Variants in STX8 observed in about 807,000 individuals in gnomAD.
STX8 encodes the protein syntaxin 8, also known as syntaxin-8.
STX8 carries 23 observed loss-of-function variants against 37.5 expected under a neutral mutation model. The ratio of observed to expected loss-of-function variants is 0.61; its 90% CI spans 0.44 to 0.87. STX8 has a LOEUF of 0.87. Among genes scored for constraint, STX8 ranks in the 40% least tolerant of loss-of-function variants. The pLI, the probability that STX8 is intolerant of heterozygous loss-of-function variation, is 0.00. For synonymous variants in STX8, 115 were observed against 99.1 expected, an observed-to-expected ratio of 1.16 and a Z score of -0.95; for missense variants, 313 against 284.7, an observed-to-expected ratio of 1.10 and a Z score of -0.71.
intron 2 of STX8, among the ~76,000 whole-genome samples, chr17:9,557,905 T>C (rs369791045): frequency 3.3e-5 from 5 of 152,220 alleles, no homozygotes; most frequent in African/African-American, 9.6e-5. Context: ...CGAGTCTTCA[T>C]TTGAGAGCAA....
At chr17:9,447,420 T>G (rs1904888359) in intron 6 of STX8, among the ~76,000 whole-genome samples, 1 of 152,156 alleles carries the variant, frequency 6.6e-6, no homozygotes, top group Admixed American at 6.5e-5. Flanking sequence ...TGAGGAGTTG[T>G]TCTTTTGTTT....
intron 7 of STX8, among the ~76,000 whole-genome samples, chr17:9,250,929 C>T (rs1265021582): frequency 1.3e-5 from 2 of 152,152 alleles, no homozygotes; most frequent in South Asian, 2.1e-4. Flanking sequence ...CATCTGTGTA[C>T]ACCTTGGACC....
intron 7 of STX8, among the ~76,000 whole-genome samples, chr17:9,370,333 GTAC>G (rs1911364923): frequency 6.6e-6 from 1 of 152,176 alleles, no homozygotes; most frequent in South Asian, 2.1e-4. Flanking sequence ...ACAATCACAT[GTAC>G]TACTAATTGC....
chr17:9,528,437 A>G (rs1160529408), intron 4 of STX8, among the ~76,000 whole-genome samples: 5 of 152,222 alleles, frequency 3.3e-5, no homozygotes, highest in African/African-American at 1.2e-4. Flanking sequence ...AGCTGGGATT[A>G]CAGGCGCGTG....
At chr17:9,533,677 G>A (rs958672157) in intron 4 of STX8, among the ~76,000 whole-genome samples, 1 of 152,156 alleles carries the variant, frequency 6.6e-6, no homozygotes, top group Non-Finnish European at 1.5e-5. Context: ...AAGGAGAAGT[G>A]ACAAGAAAGA....
intron 7 of STX8, among the ~76,000 whole-genome samples, chr17:9,278,452 A>G (rs1907760733): frequency 1.4e-5 from 2 of 142,502 alleles, no homozygotes; most frequent in South Asian, 2.2e-4. Flanking sequence ...TCCATCTCAG[A>G]AAAAAAAAAA....
rs866364660 is a variant in STX8, at chr17:9,489,691, C to T, written c.541+2138G>A. 2.6e-3 allele frequency among the ~76,000 whole-genome samples: 332 copies of T among 127,390 alleles called. 5 individuals are homozygous for T. The highest frequency in any genetic ancestry group is 6.0e-3 in the Admixed American group (72 of 12,014). 83.6% of individuals were successfully genotyped at this position (127,390 alleles called of 152,430 possible). On this transcript the variant is annotated intron_variant, in intron 6 of 7. Transcript: ENST00000306357. The stretch of plus-strand genomic sequence containing the variant: ...CAGATTTTCTATAAAGCTTACTTTC[C>T]TTTTTTTTTTTTTTTGAGATGGATT...
intron 6 of STX8, among the ~76,000 whole-genome samples, chr17:9,436,734 G>A (rs1904446296): frequency 6.6e-6 from 1 of 152,224 alleles, no homozygotes; most frequent in South Asian, 2.1e-4. Context: ...CCAGCTCTGG[G>A]ATGTAGGGAT....
intron 2 of STX8, 53 bp downstream of exon 2, chr17:9,568,318 C>A: frequency 7.2e-7 from 1 of 1,388,670 alleles, no homozygotes; most frequent in Non-Finnish European, 1.0e-6. Flanking sequence ...GGAGGGTTTT[C>A]AGGCCTCAAA....
chr17:9,397,388 C>T (rs1447556592), intron 6 of STX8, among the ~76,000 whole-genome samples: 3 of 152,046 alleles, frequency 2.0e-5, no homozygotes. Flanking sequence ...AAGAGCAAGA[C>T]TCCGTGTTGA....
chr17:9,298,191 C>T (rs1217138572), intron 7 of STX8, among the ~76,000 whole-genome samples: 1 of 152,148 alleles, frequency 6.6e-6, no homozygotes, highest in African/African-American at 2.4e-5. Flanking sequence ...CATGGATGAA[C>T]TGATGGGAGT....
chr17:9,545,706 G>T (rs1035927846), intron 3 of STX8, among the ~76,000 whole-genome samples: 8 of 152,098 alleles, frequency 5.3e-5, no homozygotes, highest in Admixed American at 2.0e-4. Flanking sequence ...TCAGCCTCCC[G>T]AGTAGCTGGG....
At chr17:9,288,119 C>A (rs976513895) in intron 7 of STX8, among the ~76,000 whole-genome samples, 396 of 20,334 alleles carry the variant, frequency 0.019, no homozygotes, top group Non-Finnish European at 0.024. Flanking sequence ...GGGAGAAAAG[C>A]AAAACAAACA....
intron 6 of STX8, among the ~76,000 whole-genome samples, chr17:9,465,103 A>G (rs1905552895): frequency 2.6e-5 from 4 of 152,126 alleles, no homozygotes; most frequent in Admixed American, 2.6e-4. Context: ...GCTATTCAGA[A>G]TTATCCTTCT....
intron 5 of STX8, among the ~76,000 whole-genome samples, chr17:9,498,878 A>C (rs1457742241): frequency 6.6e-6 from 1 of 152,214 alleles, no homozygotes; most frequent in African/African-American, 2.4e-5. Flanking sequence ...AGGGTGTATA[A>C]TAACCAAAGC....
chr17:9,513,894 A>G (rs75366291), intron 4 of STX8, among the ~76,000 whole-genome samples: 5,351 of 152,328 alleles, frequency 0.035, 359 homozygotes, highest in African/African-American at 0.12. Flanking sequence ...GGAGGACGTT[A>G]TTATATTAAG....
intron 2 of STX8, among the ~76,000 whole-genome samples, chr17:9,560,682 C>T (rs1307504564): frequency 2.0e-5 from 3 of 150,484 alleles, no homozygotes; most frequent in Non-Finnish European, 4.4e-5. Flanking sequence ...TACATGTCTA[C>T]TTGAAATTCC....
intron 4 of STX8, among the ~76,000 whole-genome samples, chr17:9,510,482 C>G (rs1050511469): frequency 1.3e-5 from 2 of 152,004 alleles, no homozygotes; most frequent in African/African-American, 4.8e-5. Flanking sequence ...CAAAATGATA[C>G]AAACACATGG....
chr17:9,502,868 C>T lies in STX8; in HGVS notation c.448+2170G>A, dbSNP rs535255852. On this transcript the variant is annotated intron_variant, in intron 5 of 7. Transcript: ENST00000306357. Reference sequence around the variant, plus strand: ...CTGTAATCCCAGCACTTTGGGAGGCCGAGTCGAGTGGATCGCTTGAGGTCA... The same window carrying T: ...CTGTAATCCCAGCACTTTGGGAGGCTGAGTCGAGTGGATCGCTTGAGGTCA... Among the ~76,000 whole-genome samples the T allele has an allele frequency of 4.6e-5, 7 of 151,996 alleles. No individual in the cohort carries two copies. In the South Asian group the frequency reaches 6.2e-4, roughly 14 times the overall value.
Sources: gnomAD v4.1 joint callset for allele counts (sites outside exome capture counted in the v4.1 genomes callset) on GRCh38, gnomAD v4.1.1 for gene constraint, MANE v1.5 for transcripts, NCBI Gene and HGNC (gene_info 2026-07-23, HGNC 2026-07-21) for gene names.